HRH3: variants seen among roughly 807,000 people sequenced by gnomAD.
HRH3 encodes histamine receptor H3.
In HRH3, 13 loss-of-function variants were observed where a neutral mutation model predicts 21.6. The observed-to-expected ratio is 0.60, with a 90% CI of 0.39 to 0.96. The LOEUF is 0.96. Ranked by LOEUF, HRH3 falls within the 40% of genes least tolerant of loss-of-function variation. The pLI is 0.00. For missense variants in HRH3, 461 were observed against 622.7 expected, an observed-to-expected ratio of 0.74 and a Z score of 2.76; for synonymous variants, 276 against 290.3, an observed-to-expected ratio of 0.95 and a Z score of 0.50.
At position 62,216,661 on chromosome 20, in the gene HRH3, C is replaced by T. The variant is rs779379623; in HGVS notation, c.683G>A (p.Arg228His). 6 of 1,612,624 alleles carry T rather than the reference C, an allele frequency of 3.7e-6. No homozygotes were observed. Among genetic ancestry groups the T allele is most frequent in the Admixed American group, 1.7e-5 (1 of 60,002 alleles). ...AGCCCCATCCAGCCGGAGGCGGGTGCGCCTCTGGATGTTCAGGTAGATGCT... is the reference window on the plus strand; with the variant it reads ...AGCCCCATCCAGCCGGAGGCGGGTGTGCCTCTGGATGTTCAGGTAGATGCT... ...NLSIYLNIQRRTRLRLDGARE... is the reference protein window; with the variant it reads ...NLSIYLNIQRHTRLRLDGARE... The change falls in exon 3 of 3, where the codon CGC (arginine) becomes CAC (histidine). Residue 228 changes from arginine to histidine, a missense_variant. By Grantham distance (29) the Arg-to-His change is conservative. Around this residue, in one of 6 missense-constraint regions of HRH3, gnomAD observed 17 missense variants for 54.0 expected, o/e 0.31. Transcript: ENST00000340177.
In HRH3 at chr20:62,215,091, G is replaced by T. The variant is rs1978478113; in HGVS notation, c.*915C>A. ...ACATGGCGAAGCGGCCCCTGCCCGG[G>T]CACCTCCTCTGGACCGCCCCTGCAC... On this transcript the variant is annotated 3_prime_UTR_variant, in exon 3 of 3. Coordinates refer to ENST00000340177, the MANE Select transcript of HRH3 (RefSeq NM_007232.3). 2 of 331,102 alleles carry T rather than the reference G, an allele frequency of 6.0e-6. No homozygotes were observed. Among genetic ancestry groups the T allele is most frequent in the Admixed American group, 7.7e-5 (2 of 25,828 alleles). The allele number at this position is 331,102 out of a possible 1,614,324, so 20.5% of individuals were successfully genotyped here.
chr20:62,217,074 C>T (rs1978599360), intron 2 of HRH3, 148 bp from the exon 3 acceptor site: 1 of 804,298 alleles, frequency 1.2e-6, no homozygotes, highest in Non-Finnish European at 1.9e-6. Context: ...CCTCTTTCCC[C>T]TCCCTTCCTC....
In HRH3 at chr20:62,218,444, C is replaced by T. The variant is rs746881495; in HGVS notation, c.417+47G>A. On this transcript the variant is annotated intron_variant, in intron 2 of 2. Coordinates refer to ENST00000340177, the MANE Select transcript of HRH3 (RefSeq NM_007232.3). This position sits in a 1 kb window ranked among gnomAD's most constrained non-coding sequence, Gnocchi z 5.6. ...ACCCAGGTGCCTCCCATGGGCGTCCCGACTGTCCCTGCGGAGTGAACAGGA... is the reference window on the plus strand; with the variant it reads ...ACCCAGGTGCCTCCCATGGGCGTCCTGACTGTCCCTGCGGAGTGAACAGGA... The T allele has an allele frequency of 5.0e-6, 8 of 1,587,678 alleles. No homozygotes were observed. Among genetic ancestry groups the T allele is most frequent in the East Asian group, 2.3e-5 (1 of 44,000 alleles).
chr20:62,219,684 C>T lies in HRH3; in HGVS notation c.250+37G>A, dbSNP rs767376497. Reference sequence around the variant, plus strand: ...CCCGCTGGCCCGGCCACGCTGGGCGCCCCTGGGTCCCCAGCGGCCAGGGGC... The same window carrying T: ...CCCGCTGGCCCGGCCACGCTGGGCGTCCCTGGGTCCCCAGCGGCCAGGGGC... On this transcript the variant is annotated intron_variant, in intron 1 of 2. Transcript: ENST00000340177. This position sits in a 1 kb window ranked among gnomAD's most constrained non-coding sequence, Gnocchi z 8.7. 16 of 1,575,692 alleles carry T rather than the reference C, an allele frequency of 1.0e-5. No homozygotes were observed. The highest frequency in any genetic ancestry group is 3.6e-5 in the Admixed American group (2 of 56,332).
rs776224079 is a variant in HRH3, at chr20:62,215,968, TGA to T, written c.*36_*37del. 7.7e-5 allele frequency: 117 copies of T among 1,521,118 alleles called. No homozygotes were observed. Among genetic ancestry groups the T allele is most frequent in the Non-Finnish European group, 1.2e-5 (14 of 1,130,000 alleles). The allele number at this position is 1,521,118 out of a possible 1,614,324, so 94.2% of individuals were successfully genotyped here. A position where few individuals can be genotyped will look rare whatever the true frequency, so the allele number is the denominator to read the frequency against. The stretch of plus-strand genomic sequence containing the variant: ...GGCCAGATGCCCAGGAGACCTGGGC[TGA>T]GAGAGGCGTGGCTGAGGGAGGCTCT... On this transcript the variant is annotated 3_prime_UTR_variant, in exon 3 of 3. Coordinates refer to ENST00000340177, the MANE Select transcript of HRH3 (RefSeq NM_007232.3).
chr20:62,215,593 TGTGTGCAGGG>T lies in HRH3; in HGVS notation c.*403_*412del, dbSNP rs1978501564. On this transcript the variant is annotated 3_prime_UTR_variant, in exon 3 of 3. Transcript: ENST00000340177. The stretch of plus-strand genomic sequence containing the variant: ...TCCGGGGAGAGGGACGGTGTGCAGG[TGTGTGCAGGG>T]GTGTGCAGGTGTGTGCACGTGCAGA... 5 of 412,048 alleles carry T rather than the reference TGTGTGCAGGG, an allele frequency of 1.2e-5. No homozygotes were observed. The highest frequency in any genetic ancestry group is 1.4e-4 in the East Asian group (2 of 14,502). 25.5% of individuals were successfully genotyped at this position (412,048 alleles called of 1,614,324 possible). A position where few individuals can be genotyped will look rare whatever the true frequency, so the allele number is the denominator to read the frequency against.
In HRH3 at chr20:62,215,088, C is replaced by T. The variant is rs201042804; in HGVS notation, c.*918G>A. The T allele has an allele frequency of 4.2e-5, 14 of 330,828 alleles. No individual in the cohort carries two copies. The highest frequency in any genetic ancestry group is 2.2e-4 in the African/African-American group (10 of 46,428). The allele number at this position is 330,828 out of a possible 1,614,324, so 20.5% of individuals were successfully genotyped here. Reference sequence around the variant, plus strand: ...AGCACATGGCGAAGCGGCCCCTGCCCGGGCACCTCCTCTGGACCGCCCCTG... The same window carrying T: ...AGCACATGGCGAAGCGGCCCCTGCCTGGGCACCTCCTCTGGACCGCCCCTG... On this transcript the variant is annotated 3_prime_UTR_variant, in exon 3 of 3. Coordinates refer to ENST00000340177, the MANE Select transcript of HRH3 (RefSeq NM_007232.3).
At position 62,216,809 on chromosome 20, in the gene HRH3, C is replaced by T. The variant is rs755516781; in HGVS notation, c.535G>A (p.Gly179Arg). 9 of 1,612,870 alleles carry T rather than the reference C, an allele frequency of 5.6e-6. No homozygotes were observed. The Admixed American group carries it at 6.7e-5, about 12-fold the overall frequency. ...PAILSWEYLSGGSSIPEGHCY... is the reference protein window; with the variant it reads ...PAILSWEYLSRGSSIPEGHCY... ...TGGCCCTCGGGGATGGAGCTGCCCC[C>T]GGACAGGTACTCCCAGCTCAGGATG... Residue 179 changes from glycine (G) to arginine (R), a missense_variant, in exon 3 of 3, where the codon GGG (glycine) becomes AGG (arginine). Physicochemically the swap from Gly to Arg is moderately radical, Grantham distance 125. Coordinates refer to ENST00000340177, the MANE Select transcript of HRH3 (RefSeq NM_007232.3).
rs1978502682 is a variant in HRH3, at chr20:62,215,613, T to G, written c.*393A>C. 1 of 384,290 alleles carries G rather than the reference T, an allele frequency of 2.6e-6. No homozygotes were observed. The allele number at this position is 384,290 out of a possible 1,614,324, so 23.8% of individuals were successfully genotyped here. A position where few individuals can be genotyped will look rare whatever the true frequency, so the allele number is the denominator to read the frequency against. On this transcript the variant is annotated 3_prime_UTR_variant, in exon 3 of 3. Transcript: ENST00000340177. ...GCAGGTGTGTGCAGGGGTGTGCAGG[T>G]GTGTGCACGTGCAGAGGCAAACTGC...
chr20:62,214,970 TA>T lies in HRH3; in HGVS notation c.*1035del, dbSNP rs1045003725. The T allele has an allele frequency of 2.3e-4, 48 of 208,320 alleles. No individual in the cohort carries two copies. The highest frequency in any genetic ancestry group is 1.0e-3 in the African/African-American group (44 of 43,212). The allele number at this position is 208,320 out of a possible 1,614,324, so 12.9% of individuals were successfully genotyped here. A position where few individuals can be genotyped will look rare whatever the true frequency, so the allele number is the denominator to read the frequency against. ...CAAAGTCCTCAGGAATCAGCACCAA[TA>T]AAAAAATACACTTTATTGTGACCTC... On this transcript the variant is annotated 3_prime_UTR_variant, in exon 3 of 3. Transcript: ENST00000340177.
Position 62,215,526 on chromosome 20 carries a change from ATGCAAG to A in HRH3, c.*474_*479del. ...GGTGAAAGGGCCAGGCCTGAGGCTTATGCAAGAGACAGAAGGCAGCAAAGGCAGTGT... is the reference window on the plus strand; with the variant it reads ...GGTGAAAGGGCCAGGCCTGAGGCTTAAGACAGAAGGCAGCAAAGGCAGTGT... On this transcript the variant is annotated 3_prime_UTR_variant, in exon 3 of 3. Coordinates refer to ENST00000340177, the MANE Select transcript of HRH3 (RefSeq NM_007232.3). The A allele has an allele frequency of 4.4e-6, 2 of 452,940 alleles. No homozygotes were observed. Among genetic ancestry groups the A allele is most frequent in the Non-Finnish European group, 4.4e-6 (1 of 225,134 alleles). 28.1% of individuals were successfully genotyped at this position (452,940 alleles called of 1,614,324 possible).
In HRH3 at chr20:62,219,701, G is replaced by A; in HGVS notation, c.250+20C>T. 1 of 1,586,604 alleles carries A rather than the reference G, an allele frequency of 6.3e-7. No individual in the cohort carries two copies. Among genetic ancestry groups the A allele is most frequent in the Non-Finnish European group, 8.6e-7 (1 of 1,165,818 alleles). On this transcript the variant is annotated intron_variant, in intron 1 of 2. Transcript: ENST00000340177. The surrounding 1 kb of genome is among the most constrained non-coding windows in gnomAD (Gnocchi z 8.7). ...GCTGGGCGCCCCTGGGTCCCCAGCG[G>A]CCAGGGGCTGGGGATTTACCGACGA...
rs201702073 is a variant in HRH3 at position 62,215,445 on chromosome 20, G to A, written c.*561C>T. ...GAATGGAAAAGCAGAGAACAGCTTCGAGGTTCCTAGGGCCCCTTGACACTT... is the reference window on the plus strand; with the variant it reads ...GAATGGAAAAGCAGAGAACAGCTTCAAGGTTCCTAGGGCCCCTTGACACTT... On this transcript the variant is annotated 3_prime_UTR_variant, in exon 3 of 3. Coordinates refer to ENST00000340177, the MANE Select transcript of HRH3 (RefSeq NM_007232.3). The A allele has an allele frequency of 2.4e-5, 11 of 457,220 alleles. No individual in the cohort carries two copies. Among genetic ancestry groups the A allele is most frequent in the East Asian group, 6.9e-5 (1 of 14,410 alleles). 28.3% of individuals were successfully genotyped at this position (457,220 alleles called of 1,614,324 possible).
Position 62,215,144 on chromosome 20 carries a change from C to T in HRH3, c.*862G>A, listed in dbSNP as rs1978480512. The T allele has an allele frequency of 8.4e-6, 3 of 356,906 alleles. No individual in the cohort carries two copies. Among genetic ancestry groups the T allele is most frequent in the Non-Finnish European group, 1.7e-5 (3 of 181,220 alleles). The allele number at this position is 356,906 out of a possible 1,614,324, so 22.1% of individuals were successfully genotyped here. A position where few individuals can be genotyped will look rare whatever the true frequency, so the allele number is the denominator to read the frequency against. On this transcript the variant is annotated 3_prime_UTR_variant, in exon 3 of 3. Coordinates refer to ENST00000340177, the MANE Select transcript of HRH3 (RefSeq NM_007232.3). ...CTTGGGACCCTCGGGCCCAGCCGGG[C>T]CCCCTCCTCCCAACAACCCCCAGAG...
In HRH3 at chr20:62,218,818, T is replaced by C. The variant is rs1315526377; in HGVS notation, c.251-161A>G. On this transcript the variant is annotated intron_variant, in intron 1 of 2. Coordinates refer to ENST00000340177, the MANE Select transcript of HRH3 (RefSeq NM_007232.3). The surrounding 1 kb of genome is among the most constrained non-coding windows in gnomAD (Gnocchi z 5.6). ...CCTCCACCTGGTGTCAGCCACAAAC[T>C]CTGCCCTGCCGCCAGCCTTCACCCC... Among the ~76,000 whole-genome samples, 1 of 151,448 alleles carries C rather than the reference T, an allele frequency of 6.6e-6. No individual in the cohort carries two copies. The highest frequency in any genetic ancestry group is 1.5e-5 in the Non-Finnish European group (1 of 67,832).
At position 62,218,754 on chromosome 20, in the gene HRH3, G is replaced by T; in HGVS notation, c.251-97C>A. 2 of 1,241,832 alleles carry T rather than the reference G, an allele frequency of 1.6e-6. No homozygotes were observed. The highest frequency in any genetic ancestry group is 2.2e-6 in the Non-Finnish European group (2 of 896,376). The allele number at this position is 1,241,832 out of a possible 1,614,324, so 76.9% of individuals were successfully genotyped here. On this transcript the variant is annotated intron_variant, in intron 1 of 2. Coordinates refer to ENST00000340177, the MANE Select transcript of HRH3 (RefSeq NM_007232.3). This position sits in a 1 kb window ranked among gnomAD's most constrained non-coding sequence, Gnocchi z 5.6. Reference sequence around the variant, plus strand: ...CCGGCGGGACCTGGGGTCACATGGTGGCTGCTTTTCTGGAACTAGCCATCC... The same window carrying T: ...CCGGCGGGACCTGGGGTCACATGGTTGCTGCTTTTCTGGAACTAGCCATCC...
Position 62,215,621 on chromosome 20 carries a change from C to G in HRH3, c.*385G>C, listed in dbSNP as rs200593971. The stretch of plus-strand genomic sequence containing the variant: ...GTGCAGGGGTGTGCAGGTGTGTGCA[C>G]GTGCAGAGGCAAACTGCTAGGGCAG... On this transcript the variant is annotated 3_prime_UTR_variant, in exon 3 of 3. Transcript: ENST00000340177. 1 of 380,886 alleles carries G rather than the reference C, an allele frequency of 2.6e-6. No homozygotes were observed. The highest frequency in any genetic ancestry group is 5.1e-6 in the Non-Finnish European group (1 of 195,632). 23.6% of individuals were successfully genotyped at this position (380,886 alleles called of 1,614,324 possible).
At position 62,216,251 on chromosome 20, in the gene HRH3, T is replaced by A. The variant is rs147003708; in HGVS notation, c.1093A>T (p.Ser365Cys). Residue 365 changes from serine (S) to cysteine (C), a missense_variant, in exon 3 of 3, where the codon AGC becomes TGC. Ser to Cys is a moderately radical substitution (Grantham distance 112). Transcript: ENST00000340177. ...KVAKSLAVIV[S>C]IFGLCWAPYT... ...GGGGCCCAGCAGAGCCCAAAGATGC[T>A]CACGATGACGGCCAGCGACTTGGCC... The A allele has an allele frequency of 1.2e-6, 2 of 1,612,188 alleles. No individual in the cohort carries two copies. The highest frequency in any genetic ancestry group is 1.7e-6 in the Non-Finnish European group (2 of 1,179,394).
At chr20:62,217,496 G>A (rs1428756271) in intron 2 of HRH3, among the ~76,000 whole-genome samples, 1 of 152,224 alleles carries the variant, frequency 6.6e-6, no homozygotes, top group Non-Finnish European at 1.5e-5. Flanking sequence ...CGACATCAGG[G>A]CCTCTTGGGA....
Sources: allele counts gnomAD v4.1 joint callset (sites outside exome capture counted in the v4.1 genomes callset), GRCh38; gene constraint gnomAD v4.1.1; regional missense constraint gnomAD v4.1.1; non-coding constraint Gnocchi (gnomAD v3.1); transcripts MANE v1.5; gene names NCBI Gene and HGNC (gene_info 2026-07-23, HGNC 2026-07-21).